Variants in CNOT10 observed in about 807,000 individuals in gnomAD.
The protein encoded by CNOT10 is CCR4-NOT transcription complex, subunit 10.
CNOT10 carries 30 observed loss-of-function variants against 94.6 expected under a neutral mutation model. The observed-to-expected ratio is 0.32, with a 90% CI of 0.24 to 0.43. CNOT10 has a LOEUF of 0.43. Ranked by LOEUF, CNOT10 falls within the 20% of genes least tolerant of loss-of-function variation. The probability of loss-of-function intolerance (pLI) is 1.00; values close to 1 mark genes in which losing one functional copy is unlikely to be tolerated. For missense variants in CNOT10, 759 were observed against 877.2 expected (o/e 0.87, Z 1.70); for synonymous variants, 289 against 301.6 (o/e 0.96, Z 0.43).
intron 1 of CNOT10, among the ~76,000 whole-genome samples, chr3:32,687,456 T>TTTTTTTTTTG (rs1696667285): frequency 1.0e-5 from 1 of 96,496 alleles, no homozygotes; most frequent in African/African-American, 3.7e-5. Context: ...TTTTTTGTTT[T>TTTTTTTTTTG]TTTTTTTTTT....
chr3:32,759,722 C>T (rs963629384), intron 14 of CNOT10, 151 bp downstream of exon 14: 2 of 656,936 alleles, frequency 3.0e-6, no homozygotes, highest in African/African-American at 1.8e-5. Flanking sequence ...TAACCCATGC[C>T]TCGGCAGTGA....
intron 13 of CNOT10, among the ~76,000 whole-genome samples, chr3:32,744,532 T>A (rs1699612314): frequency 6.6e-6 from 1 of 152,194 alleles, no homozygotes; most frequent in African/African-American, 2.4e-5. Flanking sequence ...CCAAGTATAT[T>A]TTTAGAAGGC....
intron 13 of CNOT10, among the ~76,000 whole-genome samples, chr3:32,755,652 T>C (rs1700196333): frequency 6.6e-6 from 1 of 152,202 alleles, no homozygotes; most frequent in African/African-American, 2.4e-5. Flanking sequence ...TTTAGATTTC[T>C]TTAACTCACA....
At chr3:32,694,831 T>C (rs868498714) in intron 1 of CNOT10, among the ~76,000 whole-genome samples, 3 of 152,134 alleles carry the variant, frequency 2.0e-5, no homozygotes, top group Non-Finnish European at 2.9e-5. Context: ...CCTCGTGATC[T>C]GCCTGCCTTG....
At chr3:32,727,291 A>G (rs11129532) in intron 9 of CNOT10, among the ~76,000 whole-genome samples, 119,378 of 151,872 alleles carry the variant, frequency 0.79, 47,104 homozygotes, top group Admixed American at 0.83. Flanking sequence ...CAACATAGTG[A>G]GACCCCCCCA....
intron 1 of CNOT10, among the ~76,000 whole-genome samples, chr3:32,686,719 A>G (rs1048156552): frequency 6.6e-6 from 1 of 152,240 alleles, no homozygotes; most frequent in African/African-American, 2.4e-5. Flanking sequence ...GGGGACCAAC[A>G]TCTTCCTCCT....
intron 4 of CNOT10, among the ~76,000 whole-genome samples, chr3:32,710,265 T>G (rs1412165691): frequency 6.6e-6 from 1 of 151,730 alleles, no homozygotes; most frequent in Non-Finnish European, 1.5e-5. Context: ...ACATTCATTT[T>G]TCTTTTATGG....
intron 1 of CNOT10, among the ~76,000 whole-genome samples, chr3:32,689,353 CAAAAAAA>C (rs199702747): frequency 6.6e-5 from 5 of 76,272 alleles, no homozygotes; most frequent in African/African-American, 1.9e-4. Flanking sequence ...AACACCATCT[CAAAAAAA>C]AAAAAAAAGA....
At chr3:32,726,775 G>A (rs147108451) in intron 9 of CNOT10, among the ~76,000 whole-genome samples, 2 of 148,030 alleles carry the variant, frequency 1.4e-5, no homozygotes, top group Non-Finnish European at 3.0e-5. Context: ...AAGGTAGACC[G>A]AAACATTGAA....
chr3:32,773,330 C>T (rs1700993840), intron 18 of CNOT10, 127 bp from the exon 19 acceptor site: 3 of 958,426 alleles, frequency 3.1e-6, no homozygotes, highest in Non-Finnish European at 3.1e-6. Flanking sequence ...TTCCAGTATA[C>T]AGCCAAGGCT....
intron 1 of CNOT10, among the ~76,000 whole-genome samples, chr3:32,687,136 A>G (rs762238366): frequency 1.7e-4 from 26 of 152,118 alleles, no homozygotes; most frequent in Non-Finnish European, 3.7e-4. Flanking sequence ...ATGAGTGTTT[A>G]GTGTAGCTCC....
intron 10 of CNOT10, among the ~76,000 whole-genome samples, chr3:32,728,071 A>T (rs1698765206): frequency 2.6e-5 from 4 of 151,502 alleles, no homozygotes. Context: ...ATCTCGGCTC[A>T]CTGCAACCTC....
chr3:32,721,827 T>G (rs966636579), intron 8 of CNOT10, among the ~76,000 whole-genome samples: 2 of 151,456 alleles, frequency 1.3e-5, no homozygotes, highest in Non-Finnish European at 2.9e-5. Flanking sequence ...TTTGTATTTT[T>G]TTTTTTAGTA....
intron 13 of CNOT10, among the ~76,000 whole-genome samples, chr3:32,752,139 T>C (rs558846440): frequency 6.6e-6 from 1 of 151,910 alleles, no homozygotes; most frequent in South Asian, 2.1e-4. Flanking sequence ...AAATACAAAA[T>C]TAGCCAGGAG....
intron 10 of CNOT10, among the ~76,000 whole-genome samples, chr3:32,729,440 G>A (rs1257618830): frequency 1.3e-5 from 2 of 152,180 alleles, no homozygotes; most frequent in Non-Finnish European, 2.9e-5. Flanking sequence ...TTTTGGGTGT[G>A]TATAGACATT....
intron 1 of CNOT10, chr3:32,695,963 A>C: frequency 1.7e-6 from 1 of 594,084 alleles, no homozygotes; most frequent in Non-Finnish European, 2.8e-6. Flanking sequence ...AATCCTGTTG[A>C]AGAGAGTGTG....
chr3:32,711,912 G>A (rs1697906940), intron 4 of CNOT10, among the ~76,000 whole-genome samples: 1 of 152,166 alleles, frequency 6.6e-6, no homozygotes, highest in African/African-American at 2.4e-5. Flanking sequence ...TTGCACACCA[G>A]CTGTGTTAAT....
At chr3:32,711,915 G>A (rs994930127) in intron 4 of CNOT10, among the ~76,000 whole-genome samples, 1 of 152,184 alleles carries the variant, frequency 6.6e-6, no homozygotes, top group African/African-American at 2.4e-5. Context: ...CACACCAGCT[G>A]TGTTAATTTC....
chr3:32,735,689 GA>G, intron 12 of CNOT10, among the ~76,000 whole-genome samples: 1 of 152,238 alleles, frequency 6.6e-6, no homozygotes, highest in Admixed American at 6.5e-5. Flanking sequence ...CCAGCCTGGT[GA>G]CAGAATGAGA....
Sources: allele counts gnomAD v4.1 joint callset (sites outside exome capture counted in the v4.1 genomes callset), GRCh38; gene constraint gnomAD v4.1.1; transcripts MANE v1.5; gene names NCBI Gene and HGNC (gene_info 2026-07-23, HGNC 2026-07-21).